Variants in CSMD1 observed in about 807,000 individuals in gnomAD.
CSMD1 encodes the protein CUB and sushi domain-containing protein 1.
In CSMD1, 213 loss-of-function variants were observed where a neutral mutation model predicts 417.5. That is an observed-to-expected ratio of 0.51 (90% confidence interval 0.46 to 0.57). CSMD1 has a LOEUF of 0.57. Among genes scored for constraint, CSMD1 ranks in the 20% least tolerant of loss-of-function variants. The pLI, the probability that CSMD1 is intolerant of heterozygous loss-of-function variation, is 0.00. For synonymous variants in CSMD1, 2,862 were observed against 1,736.8 expected, an observed-to-expected ratio of 1.65 and a Z score of -16.11; for missense variants, 6,923 against 4,529.7, an observed-to-expected ratio of 1.53 and a Z score of -15.17.
At chr8:3,734,140 T>C (rs1297562608) in intron 6 of CSMD1, among the ~76,000 whole-genome samples, 1 of 152,204 alleles carries the variant, frequency 6.6e-6, no homozygotes, top group Admixed American at 6.5e-5. Flanking sequence ...TATTTAATTA[T>C]TTAAGGATAC....
chr8:4,585,578 C>A (rs1194601423), intron 2 of CSMD1, among the ~76,000 whole-genome samples: 1 of 151,990 alleles, frequency 6.6e-6, no homozygotes, highest in Non-Finnish European at 1.5e-5. Context: ...AGGTAGAATT[C>A]AGATGAAAGA....
intron 47 of CSMD1, 146 bp downstream of exon 47, chr8:3,096,703 C>T: frequency 1.6e-6 from 1 of 611,786 alleles, no homozygotes; most frequent in Non-Finnish European, 2.8e-6. Context: ...AATGCATAAC[C>T]CCAAACTAGT....
intron 1 of CSMD1, among the ~76,000 whole-genome samples, chr8:4,742,902 A>T (rs1362257013): frequency 1.3e-5 from 2 of 152,006 alleles, no homozygotes; most frequent in Admixed American, 6.6e-5. Flanking sequence ...CAGAACGGTT[A>T]AAAAAAATCT....
At chr8:4,215,040 C>G (rs977217505) in intron 3 of CSMD1, among the ~76,000 whole-genome samples, 1 of 152,146 alleles carries the variant, frequency 6.6e-6, no homozygotes, top group Non-Finnish European at 1.5e-5. Context: ...ATGATTTCTT[C>G]CAAGCTGGCT....
rs192204470 is a variant in CSMD1 at position 3,485,475 on chromosome 8, C to A, written c.1448+8148G>T. On this transcript the variant is annotated intron_variant, in intron 11 of 69. Transcript: ENST00000635120. ...TAGAAATTACCTGTCTTGACTGTGG[C>A]GGATACAGGAACTTAAACAGGTAGT... Among the ~76,000 whole-genome samples, 33 of 149,686 alleles carry A rather than the reference C, an allele frequency of 2.2e-4. No homozygotes were observed. The East Asian group carries it at 5.7e-3, about 26-fold the overall frequency.
At chr8:4,322,957 C>G (rs926347884) in intron 3 of CSMD1, among the ~76,000 whole-genome samples, 5 of 152,162 alleles carry the variant, frequency 3.3e-5, no homozygotes, top group African/African-American at 4.8e-5. Flanking sequence ...TGCAACCCAG[C>G]CTGGGTGACA....
chr8:3,997,777 G>C, intron 5 of CSMD1, 126 bp downstream of exon 5: 3 of 808,072 alleles, frequency 3.7e-6, no homozygotes, highest in Non-Finnish European at 5.8e-6. Flanking sequence ...AAAAGAGCAA[G>C]GCGAAAAAAG....
chr8:2,947,178 G>C (rs1802301905), intron 68 of CSMD1, among the ~76,000 whole-genome samples: 1 of 152,046 alleles, frequency 6.6e-6, no homozygotes, highest in Non-Finnish European at 1.5e-5. Flanking sequence ...TGTATGTTAG[G>C]GTTGAGTCAT....
chr8:4,400,646 A>C (rs2128928715), intron 3 of CSMD1, among the ~76,000 whole-genome samples: 1 of 152,320 alleles, frequency 6.6e-6, no homozygotes, highest in African/African-American at 2.4e-5. Context: ...TGAAGTCTTT[A>C]AATTTAATAC....
intron 21 of CSMD1, among the ~76,000 whole-genome samples, chr8:3,351,900 AT>A (rs1187349967): frequency 6.6e-6 from 1 of 152,032 alleles, no homozygotes; most frequent in African/African-American, 2.4e-5. Context: ...AATTTAAATT[AT>A]GACTTTTACA....
intron 24 of CSMD1, 143 bp downstream of exon 24, chr8:3,308,169 T>C (rs1199945470): frequency 1.5e-6 from 1 of 671,934 alleles, no homozygotes; most frequent in African/African-American, 1.8e-5. Context: ...CACAGACACG[T>C]GCAAATCTCA....
At chr8:4,727,209 A>G (rs1299568221) in intron 1 of CSMD1, among the ~76,000 whole-genome samples, 1 of 152,162 alleles carries the variant, frequency 6.6e-6, no homozygotes, top group Non-Finnish European at 1.5e-5. Context: ...CTGATCAATG[A>G]TGAAGAGTCC....
intron 52 of CSMD1, among the ~76,000 whole-genome samples, chr8:3,004,164 A>C (rs1463840909): frequency 1.3e-5 from 2 of 152,198 alleles, no homozygotes; most frequent in Non-Finnish European, 2.9e-5. Flanking sequence ...GTGATAATAA[A>C]ATACTGAAAT....
intron 5 of CSMD1, among the ~76,000 whole-genome samples, chr8:3,968,974 G>C (rs1305417563): frequency 6.6e-6 from 1 of 152,182 alleles, no homozygotes; most frequent in Admixed American, 6.5e-5. Context: ...ATGCAGGGCA[G>C]GGACAGTGGC....
Position 4,199,684 on chromosome 8 carries a change from C to A in CSMD1, c.416-167585G>T, listed in dbSNP as rs141891895. Among the ~76,000 whole-genome samples, 381 of 152,182 alleles carry A rather than the reference C, an allele frequency of 2.5e-3. 1 individual carries two copies. Among genetic ancestry groups the A allele is most frequent in the African/African-American group, 8.9e-3 (368 of 41,514 alleles). On this transcript the variant is annotated intron_variant, in intron 3 of 69. Transcript: ENST00000635120. Reference sequence around the variant, plus strand: ...TATGAGGCTGGACAGGCAAGGCAGTCCAGATTTAATATTGTTAATCCAGTG... The same window carrying A: ...TATGAGGCTGGACAGGCAAGGCAGTACAGATTTAATATTGTTAATCCAGTG...
chr8:3,387,614 C>G lies in CSMD1; in HGVS notation c.2662G>C (p.Asp888His), dbSNP rs371563136. ...IPVNGHRHGG[D>H]FGIRSTVTFS... is the part of the protein sequence containing the mutation. ...GTCACTGTGGACCTGATGCCAAAGT[C>G]TCCACCGTGGCGATGGCCGTTCACA... Residue 888 changes from aspartate to histidine, a missense_variant, in exon 18 of 70, where the codon GAC becomes CAC. Physicochemically the swap from Asp to His is moderately conservative, Grantham distance 81. Coordinates refer to ENST00000635120, the MANE Select transcript of CSMD1 (RefSeq NM_033225.6). 6.2e-7 allele frequency: 1 copy of G among 1,601,652 alleles called. No individual in the cohort carries two copies. The highest frequency in any genetic ancestry group is 8.5e-7 in the Non-Finnish European group (1 of 1,174,014).
At chr8:3,216,730 G>C (rs1025568730) in intron 29 of CSMD1, among the ~76,000 whole-genome samples, 13 of 152,182 alleles carry the variant, frequency 8.5e-5, no homozygotes, top group African/African-American at 2.9e-4. Flanking sequence ...TGTGTTGTCC[G>C]TGTCCGTTCC....
chr8:3,863,595 C>T lies in CSMD1; in HGVS notation c.819-109553G>A, dbSNP rs539094615. Among the ~76,000 whole-genome samples the T allele has an allele frequency of 9.2e-5, 14 of 152,200 alleles. No homozygotes were observed. In the South Asian group the frequency reaches 2.1e-3, roughly 23 times the overall value. On this transcript the variant is annotated intron_variant, in intron 5 of 69. Transcript: ENST00000635120. Reference sequence around the variant, plus strand: ...CAAAAATATAATCTAAGCCTGACATCAAACCTTGCAGTAGGATGTATGTTT... The same window carrying T: ...CAAAAATATAATCTAAGCCTGACATTAAACCTTGCAGTAGGATGTATGTTT...
chr8:4,073,228 G>T (rs577979017), intron 3 of CSMD1, among the ~76,000 whole-genome samples: 1 of 152,034 alleles, frequency 6.6e-6, no homozygotes, highest in African/African-American at 2.4e-5. Context: ...AAAATAAAAA[G>T]CAATAGGTGC....
Sources: allele counts gnomAD v4.1 joint callset (sites outside exome capture counted in the v4.1 genomes callset), GRCh38; gene constraint gnomAD v4.1.1; transcripts MANE v1.5; gene names NCBI Gene and HGNC (gene_info 2026-07-23, HGNC 2026-07-21).